LRP1B: variants seen among roughly 807,000 people sequenced by gnomAD.
LRP1B encodes the protein LDL receptor related protein 1B.
In LRP1B, 217 loss-of-function variants were observed where a neutral mutation model predicts 556.6. The ratio of observed to expected loss-of-function variants is 0.39; its 90% confidence interval spans 0.35 to 0.44. LRP1B has a LOEUF of 0.44. Ranked by LOEUF, LRP1B falls within the 20% of genes least tolerant of loss-of-function variation. The probability of loss-of-function intolerance (pLI) is 1.00; values close to 1 mark genes in which losing one functional copy is unlikely to be tolerated. For synonymous variants in LRP1B, 2,047 were observed against 1,865.8 expected (o/e 1.10, Z -2.50); for missense variants, 5,053 against 5,620.8 (o/e 0.90, Z 3.23).
chr2:141,981,990 G>A (rs1273899446), intron 1 of LRP1B, among the ~76,000 whole-genome samples: 1 of 152,086 alleles, frequency 6.6e-6, no homozygotes, highest in African/African-American at 2.4e-5. Flanking sequence ...ATGGAGCAGA[G>A]CCCTTCACCT....
chr2:141,528,739 T>C (rs1030173256), intron 2 of LRP1B, among the ~76,000 whole-genome samples: 1 of 152,126 alleles, frequency 6.6e-6, no homozygotes, highest in Admixed American at 6.6e-5. Context: ...CTGGAAATGT[T>C]AAGTACATCT....
At chr2:141,843,561 T>C (rs1277200314) in intron 1 of LRP1B, among the ~76,000 whole-genome samples, 1 of 152,122 alleles carries the variant, frequency 6.6e-6, no homozygotes, top group Non-Finnish European at 1.5e-5. Context: ...TTTGAATGAC[T>C]AAAAATAACC....
intron 2 of LRP1B, among the ~76,000 whole-genome samples, chr2:141,800,785 A>G (rs1306489198): frequency 6.6e-6 from 1 of 152,228 alleles, no homozygotes; most frequent in African/African-American, 2.4e-5. Flanking sequence ...AAGCTATGGC[A>G]CATGAAAAGG....
At chr2:141,554,842 G>A (rs1559138396) in intron 2 of LRP1B, among the ~76,000 whole-genome samples, 1 of 151,944 alleles carries the variant, frequency 6.6e-6, no homozygotes. Flanking sequence ...GCATCACTGT[G>A]CTTGTTAGGA....
At chr2:142,097,835 A>C (rs963115563) in intron 1 of LRP1B, among the ~76,000 whole-genome samples, 1 of 151,726 alleles carries the variant, frequency 6.6e-6, no homozygotes, top group African/African-American at 2.4e-5. Context: ...CATTCAGAAT[A>C]AGTAAGACAT....
intron 6 of LRP1B, among the ~76,000 whole-genome samples, chr2:141,195,855 C>T (rs765615484): frequency 3.8e-4 from 58 of 151,900 alleles, no homozygotes; most frequent in Non-Finnish European, 5.7e-4. Context: ...GAAAACAAGA[C>T]GGAAAAATGG....
intron 82 of LRP1B, 126 bp from the exon 83 acceptor site, chr2:140,315,225 C>T (rs967463606): frequency 1.5e-5 from 9 of 599,044 alleles, no homozygotes; most frequent in African/African-American, 1.1e-4. Flanking sequence ...ACCCCAAGTA[C>T]AAAAGAAGAA....
At chr2:140,313,846 C>T (rs1435432422) in intron 83 of LRP1B, among the ~76,000 whole-genome samples, 1 of 151,742 alleles carries the variant, frequency 6.6e-6, no homozygotes, top group South Asian at 2.1e-4. Context: ...ACTCCTATTG[C>T]CGTTTATATT....
At chr2:140,661,516 A>C (rs888942453) in intron 41 of LRP1B, among the ~76,000 whole-genome samples, 3 of 151,764 alleles carry the variant, frequency 2.0e-5, no homozygotes, top group Non-Finnish European at 1.5e-5. Flanking sequence ...AAAAAAAAAA[A>C]AAAAACGCAG....
chr2:140,983,425 T>C (rs1021428137), intron 17 of LRP1B, among the ~76,000 whole-genome samples: 4 of 152,110 alleles, frequency 2.6e-5, no homozygotes, highest in South Asian at 2.1e-4. Context: ...TTCAGAACCA[T>C]TGTTTGTCTC....
rs1011353562 is a variant in LRP1B at position 142,009,099 on chromosome 2, A to C, written c.82+121549T>G. The stretch of plus-strand genomic sequence containing the variant: ...CAAAAAGCACACATTCAAAAAAAGA[A>C]ATTTTGGAAATTGTTGCAGGAATTG... On this transcript the variant is annotated intron_variant, in intron 1 of 90. Transcript: ENST00000389484. 9.2e-5 allele frequency among the ~76,000 whole-genome samples: 14 copies of C among 152,292 alleles called. No individual in the cohort carries two copies. In the East Asian group the frequency reaches 2.7e-3, roughly 29 times the overall value.
intron 3 of LRP1B, among the ~76,000 whole-genome samples, chr2:141,316,005 C>A (rs1687021353): frequency 1.4e-5 from 2 of 143,102 alleles, no homozygotes; most frequent in Admixed American, 1.5e-4. Flanking sequence ...AAGAGTTTTA[C>A]TATAGGGCTC....
intron 2 of LRP1B, among the ~76,000 whole-genome samples, 164 bp downstream of exon 2, chr2:141,810,111 GAAAA>G (rs72101254): frequency 4.2e-5 from 5 of 119,586 alleles, no homozygotes; most frequent in East Asian, 2.5e-4. Context: ...AAGAAAGAAA[GAAAA>G]AGAAAGAAAG....
intron 27 of LRP1B, among the ~76,000 whole-genome samples, chr2:140,857,867 C>T (rs892701990): frequency 1.3e-5 from 2 of 151,902 alleles, no homozygotes. Context: ...AACTTTCAGT[C>T]GTTCTAAAGA....
At chr2:141,015,990 T>G in intron 12 of LRP1B, 75 bp from the exon 13 acceptor site, 1 of 1,113,878 alleles carries the variant, frequency 9.0e-7, no homozygotes, top group South Asian at 1.2e-5. Flanking sequence ...TTCCTCAGAT[T>G]TGGCAGTTCC....
rs1218264094 is a variant in LRP1B at position 141,738,948 on chromosome 2, G to A, written c.205+71331C>T. Reference sequence around the variant, plus strand: ...AAATAAACAATTACAACATAGGATTGTTATTACACATATATCCACACAGAC... The same window carrying A: ...AAATAAACAATTACAACATAGGATTATTATTACACATATATCCACACAGAC... On this transcript the variant is annotated intron_variant, in intron 2 of 90. Transcript: ENST00000389484. Among the ~76,000 whole-genome samples the A allele has an allele frequency of 2.0e-5, 3 of 152,002 alleles. No individual in the cohort carries two copies. In the East Asian group the frequency reaches 5.8e-4, roughly 29 times the overall value.
At chr2:140,792,233 C>T (rs1453523427) in intron 32 of LRP1B, among the ~76,000 whole-genome samples, 7 of 152,118 alleles carry the variant, frequency 4.6e-5, no homozygotes, top group Non-Finnish European at 2.9e-5. Flanking sequence ...ATTCTATACA[C>T]ATAAAATATT....
At chr2:140,687,145 C>T (rs956815734) in intron 41 of LRP1B, among the ~76,000 whole-genome samples, 2 of 151,926 alleles carry the variant, frequency 1.3e-5, no homozygotes, top group African/African-American at 2.4e-5. Flanking sequence ...CAAAGTCATC[C>T]GGAAAGATTT....
intron 1 of LRP1B, among the ~76,000 whole-genome samples, chr2:142,051,823 G>A (rs1704472802): frequency 2.0e-5 from 3 of 152,042 alleles, no homozygotes; most frequent in Admixed American, 2.0e-4. Context: ...TGGATTTCTG[G>A]ATTTAGGACT....
Sources: allele counts gnomAD v4.1 joint callset (sites outside exome capture counted in the v4.1 genomes callset), GRCh38; gene constraint gnomAD v4.1.1; transcripts MANE v1.5; gene names NCBI Gene and HGNC (gene_info 2026-07-23, HGNC 2026-07-21).